Variants in GRAMD2B observed in about 807,000 individuals in gnomAD.
GRAMD2B encodes GRAM domain containing 2B, also known as GRAM domain-containing protein 2B.
Under a neutral mutation model 59.2 loss-of-function variants are expected in GRAMD2B, and 41 were observed. That is an observed-to-expected ratio of 0.69 (90% CI 0.54 to 0.90). The LOEUF is 0.90. Ranked by LOEUF, GRAMD2B falls within the 40% of genes least tolerant of loss-of-function variation. GRAMD2B has a pLI of 0.00. For synonymous variants in GRAMD2B, 161 were observed against 182.7 expected (o/e 0.88, Z 0.96); for missense variants, 424 against 500.5 (o/e 0.85, Z 1.46).
At chr5:126,488,764 C>A (rs772151139) in intron 12 of GRAMD2B, 35 bp from the exon 13 acceptor site, 20 of 1,435,104 alleles carry the variant, frequency 1.4e-5, no homozygotes, top group East Asian at 2.3e-5. Context: ...CCTTGTCATC[C>A]CTGCCCATAA....
intron 1 of GRAMD2B, among the ~76,000 whole-genome samples, chr5:126,383,921 G>T (rs1363354): frequency 0.92 from 139,194 of 152,104 alleles, 64,163 homozygotes; most frequent in East Asian, 1. Context: ...AGATTCCCAG[G>T]TCTACACTGA....
chr5:126,488,848 G>T lies in GRAMD2B; in HGVS notation c.1213G>T (p.Val405Phe). ...GTCACAAGTACAATTCAATGTGGAG[G>T]TTCTCTGTCAAGAGCTTACAGCTAA... is the stretch of plus-strand genomic sequence containing the variant. Reference protein sequence around the residue: ...LRSQVQFNVEVLCQELTANIV... With the variant: ...LRSQVQFNVEFLCQELTANIV... The change falls in exon 13 of 14, where the codon GTT (valine) becomes TTT (phenylalanine). Residue 405 changes from valine to phenylalanine, a missense_variant. Physicochemically the swap from Val to Phe is conservative, Grantham distance 50. Coordinates refer to ENST00000285689, the MANE Select transcript of GRAMD2B (RefSeq NM_023927.4). The T allele has an allele frequency of 6.2e-7, 1 of 1,613,862 alleles. No individual in the cohort carries two copies. The highest frequency in any genetic ancestry group is 8.5e-7 in the Non-Finnish European group (1 of 1,179,828).
At chr5:126,432,184 C>G (rs1478355421) in intron 1 of GRAMD2B, among the ~76,000 whole-genome samples, 1 of 152,186 alleles carries the variant, frequency 6.6e-6, no homozygotes, top group Non-Finnish European at 1.5e-5. Flanking sequence ...CCACCTCAGC[C>G]TCCCAAAGTG....
intron 1 of GRAMD2B, among the ~76,000 whole-genome samples, chr5:126,391,037 C>G (rs2149719255): frequency 6.6e-6 from 1 of 152,110 alleles, no homozygotes; most frequent in East Asian, 1.9e-4. Flanking sequence ...AAGATGTAGA[C>G]CTCCTAATGT....
rs7718083 is a variant in GRAMD2B, at chr5:126,477,982, A to G, written c.582+195A>G. ...TTCATGTAGTGCTGTTTCCCTTCAC[A>G]AAGTGATTTATTCTCATAGAAGTGT... On this transcript the variant is annotated intron_variant, in intron 6 of 13. Transcript: ENST00000285689. Among the ~76,000 whole-genome samples, 1,266 of 152,240 alleles carry G rather than the reference A, an allele frequency of 8.3e-3. 17 individuals carry two copies. The highest frequency in any genetic ancestry group is 0.029 in the African/African-American group (1,210 of 41,540).
Position 126,389,245 on chromosome 5 carries a change from G to A in GRAMD2B, c.125+17678G>A, listed in dbSNP as rs146062748. Among the ~76,000 whole-genome samples the A allele has an allele frequency of 3.7e-3, 570 of 152,314 alleles. 1 individual carries two copies. Among genetic ancestry groups the A allele is most frequent in the African/African-American group, 0.012 (509 of 41,570 alleles). On this transcript the variant is annotated intron_variant, in intron 1 of 8. Coordinates refer to the GRAMD2B transcript ENST00000506445. ...GGATTAAATGAATCACCTCATCTGT[G>A]AAGTGCTTAGAAAACTACCTACCAC...
intron 1 of GRAMD2B, among the ~76,000 whole-genome samples, chr5:126,385,443 C>T (rs1756039542): frequency 6.6e-6 from 1 of 152,238 alleles, no homozygotes; most frequent in Non-Finnish European, 1.5e-5. Flanking sequence ...ACATTGAATT[C>T]ATTTGTTTAA....
intron 1 of GRAMD2B, among the ~76,000 whole-genome samples, chr5:126,447,014 G>A (rs1764371428): frequency 2.6e-5 from 4 of 152,136 alleles, no homozygotes; most frequent in Admixed American, 2.6e-4. Context: ...GAGATCATTT[G>A]GCCTCAGTAA....
chr5:126,398,777 A>G (rs1757580916), intron 1 of GRAMD2B, among the ~76,000 whole-genome samples: 1 of 152,008 alleles, frequency 6.6e-6, no homozygotes, highest in South Asian at 2.1e-4. Flanking sequence ...TCTGTATCTC[A>G]TAGGTTTTGG....
At chr5:126,384,469 G>T (rs796262856) in intron 1 of GRAMD2B, among the ~76,000 whole-genome samples, 2 of 152,322 alleles carry the variant, frequency 1.3e-5, no homozygotes, top group African/African-American at 4.8e-5. Flanking sequence ...CCGGAGAAAG[G>T]GAAAGTTTCT....
upstream of GRAMD2B, among the ~76,000 whole-genome samples, chr5:126,370,446 G>A (rs1311577126): frequency 6.6e-6 from 1 of 152,168 alleles, no homozygotes; most frequent in Non-Finnish European, 1.5e-5. Context: ...AGGGGAACAA[G>A]GAGAGAGAGC....
intron 1 of GRAMD2B, among the ~76,000 whole-genome samples, chr5:126,396,754 C>T (rs1376836182): frequency 1.3e-5 from 2 of 152,150 alleles, no homozygotes; most frequent in Admixed American, 6.5e-5. Flanking sequence ...AATTGCCACA[C>T]GTCTTCCTCA....
At chr5:126,407,030 G>A (rs1758323501) in intron 1 of GRAMD2B, among the ~76,000 whole-genome samples, 1 of 152,032 alleles carries the variant, frequency 6.6e-6, no homozygotes, top group African/African-American at 2.4e-5. Flanking sequence ...TGGAGCAGAA[G>A]CTTGAGTGTT....
chr5:126,447,522 G>A (rs1245279136), intron 1 of GRAMD2B, among the ~76,000 whole-genome samples: 1 of 152,004 alleles, frequency 6.6e-6, no homozygotes, highest in African/African-American at 2.4e-5. Context: ...AAATTAGCCG[G>A]GCGTGGTGGC....
chr5:126,465,335 C>T, intron 1 of GRAMD2B, 91 bp from the exon 2 acceptor site: 2 of 1,586,398 alleles, frequency 1.3e-6, no homozygotes, highest in Non-Finnish European at 1.7e-6. Context: ...AAAATCATTC[C>T]ATTCTCTAGA....
chr5:126,445,296 T>A (rs964629981), intron 1 of GRAMD2B, among the ~76,000 whole-genome samples: 2 of 152,208 alleles, frequency 1.3e-5, no homozygotes, highest in Non-Finnish European at 2.9e-5. Context: ...ATAATTGAAC[T>A]AATTTACACT....
upstream of GRAMD2B, among the ~76,000 whole-genome samples, chr5:126,369,075 T>G (rs1418067637): frequency 6.6e-6 from 1 of 152,148 alleles, no homozygotes; most frequent in Admixed American, 6.5e-5. Context: ...CAACAAACTC[T>G]CCACTCTCCA....
chr5:126,479,734 T>C (rs980949540), intron 6 of GRAMD2B, among the ~76,000 whole-genome samples: 2 of 152,220 alleles, frequency 1.3e-5, no homozygotes, highest in African/African-American at 4.8e-5. Flanking sequence ...CATTGGTGAA[T>C]GAGAAGGATA....
chr5:126,463,146 A>C (rs1267774894), intron 1 of GRAMD2B, among the ~76,000 whole-genome samples: 1 of 152,160 alleles, frequency 6.6e-6, no homozygotes, highest in Non-Finnish European at 1.5e-5. Context: ...GTTTCTGCCA[A>C]GAGCAAGAAG....
Sources: gnomAD v4.1 joint callset for allele counts (sites outside exome capture counted in the v4.1 genomes callset) on GRCh38, gnomAD v4.1.1 for gene constraint, MANE v1.5 for transcripts, NCBI Gene and HGNC (gene_info 2026-07-23, HGNC 2026-07-21) for gene names.